Variants in MACROD2 observed in about 807,000 individuals in gnomAD.
MACROD2 encodes mono-ADP ribosylhydrolase 2.
Under a neutral mutation model 70.4 loss-of-function variants are expected in MACROD2, and 36 were observed. That is an observed-to-expected ratio of 0.51 (90% CI 0.39 to 0.68). The LOEUF is 0.68. Among genes scored for constraint, MACROD2 ranks in the 30% least tolerant of loss-of-function variants. The pLI is 0.00. For missense variants in MACROD2, 496 were observed against 538.4 expected (o/e 0.92, Z 0.78); for synonymous variants, 172 against 178.8 (o/e 0.96, Z 0.30).
chr20:14,037,941 C>T (rs968601278), intron 2 of MACROD2, among the ~76,000 whole-genome samples: 4 of 151,738 alleles, frequency 2.6e-5, no homozygotes, highest in Admixed American at 6.6e-5. Context: ...AGGCCAGAAG[C>T]GGGAGGCAGC....
intron 3 of MACROD2, among the ~76,000 whole-genome samples, chr20:14,098,715 T>A (rs931170216): frequency 1.3e-5 from 2 of 152,170 alleles, no homozygotes; most frequent in African/African-American, 4.8e-5. Flanking sequence ...ATTTAAGTTA[T>A]TGGGGAAATA....
intron 5 of MACROD2, among the ~76,000 whole-genome samples, chr20:14,983,301 T>C (rs1443800799): frequency 6.6e-6 from 1 of 152,178 alleles, no homozygotes; most frequent in Non-Finnish European, 1.5e-5. Context: ...GACTTTGGAC[T>C]GTGGACTTTT....
intron 5 of MACROD2, among the ~76,000 whole-genome samples, chr20:15,080,179 C>T (rs1375128166): frequency 1.3e-5 from 2 of 151,992 alleles, no homozygotes; most frequent in Non-Finnish European, 2.9e-5. Flanking sequence ...TCTCCTGTGT[C>T]CCCTCTTCAG....
At chr20:15,040,701 T>G (rs1227373614) in intron 5 of MACROD2, among the ~76,000 whole-genome samples, 3 of 152,234 alleles carry the variant, frequency 2.0e-5, no homozygotes, top group Non-Finnish European at 4.4e-5. Context: ...TATCGGAACA[T>G]TGTTCAGCAG....
At chr20:15,488,282 G>A (rs902686038) in intron 7 of MACROD2, among the ~76,000 whole-genome samples, 1 of 152,110 alleles carries the variant, frequency 6.6e-6, no homozygotes, top group Non-Finnish European at 1.5e-5. Flanking sequence ...GCCTCAGGTG[G>A]CACAGAATCA....
At chr20:15,628,401 G>A (rs2049238463) in intron 8 of MACROD2, among the ~76,000 whole-genome samples, 1 of 152,146 alleles carries the variant, frequency 6.6e-6, no homozygotes, top group Non-Finnish European at 1.5e-5. Flanking sequence ...CAGGATGTCT[G>A]GCTCTATTGC....
chr20:14,156,424 A>G (rs1217324119), intron 3 of MACROD2, among the ~76,000 whole-genome samples: 1 of 152,272 alleles, frequency 6.6e-6, no homozygotes, highest in East Asian at 1.9e-4. Context: ...CACTATCTTC[A>G]TTTCCTCCAG....
intron 3 of MACROD2, among the ~76,000 whole-genome samples, chr20:14,338,310 T>C (rs2122652132): frequency 6.6e-6 from 1 of 152,272 alleles, no homozygotes; most frequent in Admixed American, 6.5e-5. Context: ...GAGGTTGCAG[T>C]GAGCCAAGAT....
chr20:15,748,803 G>A lies in MACROD2; in HGVS notation c.646-113942G>A, dbSNP rs984823326. On this transcript the variant is annotated intron_variant, in intron 8 of 17. Coordinates refer to ENST00000684519, the MANE Select transcript of MACROD2 (RefSeq NM_001351661.2). ...CACCATTATTCTAAATCAAGACCCA[G>A]GAGAAATTTTCTCTAATGATATTTT... Among the ~76,000 whole-genome samples, 3 of 152,066 alleles carry A rather than the reference G, an allele frequency of 2.0e-5. No individual in the cohort carries two copies. In the East Asian group the frequency reaches 5.8e-4, roughly 29 times the overall value.
chr20:15,964,131 G>A (rs2066104303), intron 12 of MACROD2, among the ~76,000 whole-genome samples: 3 of 152,072 alleles, frequency 2.0e-5, no homozygotes, highest in South Asian at 2.1e-4. Flanking sequence ...CAAATCCAAG[G>A]TGCTGCAAGA....
chr20:15,693,777 T>C (rs527582720), intron 8 of MACROD2, among the ~76,000 whole-genome samples: 4 of 152,320 alleles, frequency 2.6e-5, no homozygotes, highest in South Asian at 4.1e-4. Flanking sequence ...GAATAACTTC[T>C]GTAGTGGTGA....
At chr20:14,433,114 C>A (rs2122934163) in intron 3 of MACROD2, among the ~76,000 whole-genome samples, 1 of 152,032 alleles carries the variant, frequency 6.6e-6, no homozygotes, top group East Asian at 1.9e-4. Context: ...GAAAAATAGA[C>A]CAGTTCATAT....
chr20:14,165,712 G>A lies in MACROD2; in HGVS notation c.271+79984G>A, dbSNP rs141115033. Among the ~76,000 whole-genome samples the A allele has an allele frequency of 6.6e-4, 100 of 152,290 alleles. 1 individual carries two copies. Among genetic ancestry groups the A allele is most frequent in the African/African-American group, 2.2e-3 (93 of 41,562 alleles). On this transcript the variant is annotated intron_variant, in intron 3 of 17. Coordinates refer to ENST00000684519, the MANE Select transcript of MACROD2 (RefSeq NM_001351661.2). ...TATAGCAGGGATATAGCTTATTTATGTTTGTCTTCTTAGTGCCTGCCACAG... is the reference window on the plus strand; with the variant it reads ...TATAGCAGGGATATAGCTTATTTATATTTGTCTTCTTAGTGCCTGCCACAG...
In MACROD2 at chr20:15,808,109, TTG is replaced by T. The variant is rs548961469; in HGVS notation, c.646-54633_646-54632del. ...CCCTGTCACGCGGACCCCCTTAGAG[TTG>T]TGAGCCCTTAAAAGGGACAGGAATT... On this transcript the variant is annotated intron_variant, in intron 8 of 17. Transcript: ENST00000684519. Among the ~76,000 whole-genome samples, 425 of 151,854 alleles carry T rather than the reference TTG, an allele frequency of 2.8e-3. 2 individuals are homozygous for T. The highest frequency in any genetic ancestry group is 9.6e-3 in the African/African-American group (396 of 41,392).
At chr20:14,080,788 A>C (rs2053983479) in intron 2 of MACROD2, among the ~76,000 whole-genome samples, 1 of 152,136 alleles carries the variant, frequency 6.6e-6, no homozygotes, top group Non-Finnish European at 1.5e-5. Flanking sequence ...GCCTACTACA[A>C]GTTTCCAAAC....
At chr20:15,592,822 T>C (rs1023573905) in intron 8 of MACROD2, among the ~76,000 whole-genome samples, 4 of 152,204 alleles carry the variant, frequency 2.6e-5, no homozygotes, top group Non-Finnish European at 5.9e-5. Flanking sequence ...TGAAAACATC[T>C]AAAGTGTATT....
At chr20:14,029,216 T>C (rs550010045) in intron 2 of MACROD2, among the ~76,000 whole-genome samples, 2 of 152,350 alleles carry the variant, frequency 1.3e-5, no homozygotes, top group South Asian at 2.1e-4. Context: ...AGAACTGTCA[T>C]TGTCACCACC....
intron 8 of MACROD2, among the ~76,000 whole-genome samples, chr20:15,555,963 G>A (rs1280436733): frequency 6.6e-6 from 1 of 152,040 alleles, no homozygotes; most frequent in Non-Finnish European, 1.5e-5. Context: ...ATTTGATTTG[G>A]GGATAGCTTA....
At chr20:14,471,824 G>A (rs1412829340) in intron 3 of MACROD2, among the ~76,000 whole-genome samples, 1 of 152,070 alleles carries the variant, frequency 6.6e-6, no homozygotes, top group African/African-American at 2.4e-5. Context: ...TTCTAAAAAT[G>A]ATTAACTTAT....
Sources: allele counts gnomAD v4.1 joint callset (sites outside exome capture counted in the v4.1 genomes callset), GRCh38; gene constraint gnomAD v4.1.1; transcripts MANE v1.5; gene names NCBI Gene and HGNC (gene_info 2026-07-23, HGNC 2026-07-21).